Variants in ZC3H12A observed in about 807,000 individuals in gnomAD.
The protein encoded by ZC3H12A is zinc finger CCCH-type containing 12A.
Under a neutral mutation model 29.9 loss-of-function variants are expected in ZC3H12A, and 9 were observed. That is an observed-to-expected ratio of 0.30 (90% CI 0.18 to 0.53). ZC3H12A has a LOEUF of 0.53. ZC3H12A is among the 20% of genes least tolerant of loss of function. ZC3H12A has a pLI of 0.96. For synonymous variants in ZC3H12A, 323 were observed against 338.1 expected, an observed-to-expected ratio of 0.96 and a Z score of 0.49; for missense variants, 617 against 799.0, an observed-to-expected ratio of 0.77 and a Z score of 2.75.
rs750220339 is a variant in ZC3H12A, at chr1:37,483,485, T to C, written c.1674T>C (p.Thr558=). 6.2e-7 allele frequency: 1 copy of C among 1,614,012 alleles called. No homozygotes were observed. The highest frequency in any genetic ancestry group is 1.3e-5 in the African/African-American group (1 of 75,050). The part of the protein sequence containing the change: ...SLAKEQASVY[T]KLCGVFPPHL... ...CCAAGGAGCAGGCCAGCGTGTATAC[T>C]AAGCTGTGTGGTGTGTTTCCCCCGC... Residue 558 remains threonine, a synonymous_variant, in exon 6 of 6, where the codon ACT becomes ACC. Transcript: ENST00000373087.
intron 3 of ZC3H12A, 116 bp from the exon 4 acceptor site, chr1:37,481,477 TTCTTGCCC>T: frequency 1.1e-6 from 1 of 878,812 alleles, no homozygotes; most frequent in African/African-American, 1.7e-5. Flanking sequence ...GCAGAGTTAG[TTCTTGCCC>T]CGGTGACCTT....
rs553486949 is a variant in ZC3H12A at position 37,478,601 on chromosome 1, G to A, written c.444-1689G>A. 5.9e-5 allele frequency among the ~76,000 whole-genome samples: 9 copies of A among 152,272 alleles called. No individual in the cohort carries two copies. The South Asian group carries it at 1.4e-3, about 25-fold the overall frequency. On this transcript the variant is annotated intron_variant, in intron 2 of 5. Coordinates refer to ENST00000373087, the MANE Select transcript of ZC3H12A (RefSeq NM_025079.3). This position sits in a 1 kb window ranked among gnomAD's most constrained non-coding sequence, Gnocchi z 5.2. The stretch of plus-strand genomic sequence containing the variant: ...GCGATCAGGGTCTGTGCCTGCCTTC[G>A]TACCTGCCTGAGCATTGACGTACAG...
In ZC3H12A at chr1:37,475,353, G is replaced by C. The variant is rs549430600; in HGVS notation, c.-38-106G>C. ...AGAGGACAACCTGAACTAATAACAC[G>C]ATGCAGTGTGTAGTGCCACCAATCC... On this transcript the variant is annotated intron_variant, in intron 1 of 5. Coordinates refer to ENST00000373087, the MANE Select transcript of ZC3H12A (RefSeq NM_025079.3). The surrounding 1 kb of genome is among the most constrained non-coding windows in gnomAD (Gnocchi z 5.2). 1 of 856,430 alleles carries C rather than the reference G, an allele frequency of 1.2e-6. No individual in the cohort carries two copies. The highest frequency in any genetic ancestry group is 1.7e-5 in the South Asian group (1 of 59,706). The allele number at this position is 856,430 out of a possible 1,614,324, so 53.1% of individuals were successfully genotyped here.
rs555855085 is a variant in ZC3H12A at position 37,480,314 on chromosome 1, C to T, written c.468C>T (p.Ser156=). The change falls in exon 3 of 6, where the codon TCC becomes TCT. Residue 156 remains serine, a synonymous_variant. Coordinates refer to ENST00000373087, the MANE Select transcript of ZC3H12A (RefSeq NM_025079.3). ...GCCATGGGAACAAGGAGGTCTTCTC[C>T]TGCCGGGGCATCCTGCTGGCAGTGA... ...AMSHGNKEVF[S]CRGILLAVNW... The T allele has an allele frequency of 1.9e-6, 3 of 1,613,928 alleles. No homozygotes were observed. The highest frequency in any genetic ancestry group is 1.1e-5 in the South Asian group (1 of 91,060).
Position 37,475,466 on chromosome 1 carries a change from T to C in ZC3H12A, c.-31T>C. The C allele has an allele frequency of 6.4e-7, 1 of 1,569,110 alleles. No homozygotes were observed. On this transcript the variant is annotated 5_prime_UTR_variant, in exon 2 of 6. Transcript: ENST00000373087. The surrounding 1 kb of genome is among the most constrained non-coding windows in gnomAD (Gnocchi z 5.2). ...ACCCTGTTGGTTGTTCAGTAGGAGC[T>C]GTGGCGCGGGGCCTTCCAGGAGTCT... is the stretch of plus-strand genomic sequence containing the variant.
Position 37,483,511 on chromosome 1 carries a change from A to G in ZC3H12A, c.1700A>G (p.His567Arg). Residue 567 changes from histidine (H) to arginine (R), a missense_variant, in exon 6 of 6, where the codon CAC becomes CGC. Coordinates refer to ENST00000373087, the MANE Select transcript of ZC3H12A (RefSeq NM_025079.3). ...YTKLCGVFPP[H>R]LVEAVMGRFP... Reference sequence around the variant, plus strand: ...AAGCTGTGTGGTGTGTTTCCCCCGCACCTGGTGGAGGCTGTGATGGGGCGC... The same window carrying G: ...AAGCTGTGTGGTGTGTTTCCCCCGCGCCTGGTGGAGGCTGTGATGGGGCGC... 1 of 1,613,802 alleles carries G rather than the reference A, an allele frequency of 6.2e-7. No homozygotes were observed. The highest frequency in any genetic ancestry group is 2.2e-5 in the East Asian group (1 of 44,876).
In ZC3H12A at chr1:37,483,709, C is replaced by T; in HGVS notation, c.*98C>T. 2.9e-6 allele frequency: 4 copies of T among 1,395,090 alleles called. No homozygotes were observed. The highest frequency in any genetic ancestry group is 3.8e-6 in the Non-Finnish European group (4 of 1,053,472). 86.4% of individuals were successfully genotyped at this position (1,395,090 alleles called of 1,614,324 possible). A position where few individuals can be genotyped will look rare whatever the true frequency, so the allele number is the denominator to read the frequency against. ...AGCCCATTCCCAGCCCTGAGGCCCACCCCAGAGGCTGGACAGAGGGAGGAT... is the reference window on the plus strand; with the variant it reads ...AGCCCATTCCCAGCCCTGAGGCCCATCCCAGAGGCTGGACAGAGGGAGGAT... On this transcript the variant is annotated 3_prime_UTR_variant, in exon 6 of 6. Coordinates refer to ENST00000373087, the MANE Select transcript of ZC3H12A (RefSeq NM_025079.3).
chr1:37,483,080 G>A lies in ZC3H12A; in HGVS notation c.1269G>A (p.Gln423=). Residue 423 remains glutamine, a synonymous_variant, in exon 6 of 6, where the codon CAG becomes CAA. Coordinates refer to ENST00000373087, the MANE Select transcript of ZC3H12A (RefSeq NM_025079.3). ...SSFGPTDWLP[Q]TLDSLPYVSQ... The stretch of plus-strand genomic sequence containing the variant: ...TTGGGCCCACAGACTGGCTCCCACA[G>A]ACGCTGGACTCACTCCCGTACGTCT... The A allele has an allele frequency of 1.9e-6, 3 of 1,611,092 alleles. No individual in the cohort carries two copies. The highest frequency in any genetic ancestry group is 2.5e-6 in the Non-Finnish European group (3 of 1,179,018).
In ZC3H12A at chr1:37,475,925, C is replaced by G. The variant is rs772028749; in HGVS notation, c.429C>G (p.Ser143Arg). 1 of 1,510,674 alleles carries G rather than the reference C, an allele frequency of 6.6e-7. No individual in the cohort carries two copies. Among genetic ancestry groups the G allele is most frequent in the Admixed American group, 2.2e-5 (1 of 45,776 alleles). The allele number at this position is 1,510,674 out of a possible 1,614,324, so 93.6% of individuals were successfully genotyped here. The change falls in exon 2 of 6, where the codon AGC (serine) becomes AGG (arginine). Residue 143 changes from serine (S) to arginine (R), a missense_variant. This residue lies in a region of ZC3H12A where 255 missense variants were observed against 402.5 expected (regional missense o/e 0.63). Coordinates refer to ENST00000373087, the MANE Select transcript of ZC3H12A (RefSeq NM_025079.3). The surrounding 1 kb of genome is among the most constrained non-coding windows in gnomAD (Gnocchi z 5.2). ...SDLRPVVIDG[S>R]NVAMSHGNKE... ...TGAGACCAGTGGTCATCGATGGGAG[C>G]AACGTGGCCATGAGGTAAGTGTCAC...
intron 3 of ZC3H12A, 135 bp from the exon 4 acceptor site, chr1:37,481,466 A>ATCCCCAAGGAGCTATGCATTCCTG: frequency 1.3e-6 from 1 of 781,772 alleles, no homozygotes; most frequent in African/African-American, 1.7e-5. Flanking sequence ...AAGAGGCCTC[A>ATCCCCAAGGAGCTATGCATTCCTG]GCAGAGTTAG....
At position 37,475,681 on chromosome 1, in the gene ZC3H12A, C is replaced by T; in HGVS notation, c.185C>T (p.Ser62Phe). 3 of 1,614,148 alleles carry T rather than the reference C, an allele frequency of 1.9e-6. No homozygotes were observed. The highest frequency in any genetic ancestry group is 2.5e-6 in the Non-Finnish European group (3 of 1,180,050). Residue 62 changes from serine (S) to phenylalanine (F), a missense_variant, in exon 2 of 6, where the codon TCC becomes TTC. Physicochemically the swap from Ser to Phe is radical, Grantham distance 155. This residue lies in a region of ZC3H12A where 255 missense variants were observed against 402.5 expected (regional missense o/e 0.63). Coordinates refer to ENST00000373087, the MANE Select transcript of ZC3H12A (RefSeq NM_025079.3). The surrounding 1 kb of genome is among the most constrained non-coding windows in gnomAD (Gnocchi z 5.2). ...TTCTTCCGGAAGCTGGGCTATTCAT[C>T]CACGGAGATCCACAGCGTCCTGCAG... ...VDFFRKLGYS[S>F]TEIHSVLQKL...
Position 37,475,484 on chromosome 1 carries a change from A to G in ZC3H12A, c.-13A>G, listed in dbSNP as rs763133178. 53 of 1,588,626 alleles carry G rather than the reference A, an allele frequency of 3.3e-5. No homozygotes were observed. The South Asian group carries it at 5.8e-4, about 17-fold the overall frequency. ...TAGGAGCTGTGGCGCGGGGCCTTCC[A>G]GGAGTCTGAGCTATGAGTGGCCCCT... On this transcript the variant is annotated 5_prime_UTR_variant, in exon 2 of 6. Transcript: ENST00000373087. The surrounding 1 kb of genome is among the most constrained non-coding windows in gnomAD (Gnocchi z 5.2).
In ZC3H12A at chr1:37,479,078, T is replaced by C. The variant is rs1055092509; in HGVS notation, c.444-1212T>C. 1 of 985,098 alleles carries C rather than the reference T, an allele frequency of 1.0e-6. No individual in the cohort carries two copies. The highest frequency in any genetic ancestry group is 1.7e-5 in the African/African-American group (1 of 57,156). The allele number at this position is 985,098 out of a possible 1,614,324, so 61.0% of individuals were successfully genotyped here. A position where few individuals can be genotyped will look rare whatever the true frequency, so the allele number is the denominator to read the frequency against. The stretch of plus-strand genomic sequence containing the variant: ...TCCCATTAAAGACACCCACAGGATG[T>C]GGTTGGCCCTGGACTTGCCTCTTTT... On this transcript the variant is annotated intron_variant, in intron 2 of 5. Transcript: ENST00000373087. The surrounding 1 kb of genome is among the most constrained non-coding windows in gnomAD (Gnocchi z 4.5).
chr1:37,480,121 C>T (rs895776795), intron 2 of ZC3H12A, 169 bp from the exon 3 acceptor site: 42 of 1,343,970 alleles, frequency 3.1e-5, no homozygotes, highest in Non-Finnish European at 3.9e-5. Context: ...AGGGCCTGAG[C>T]CCTGGGGAAA....
rs1383880201 is a variant in ZC3H12A at position 37,480,300 on chromosome 1, A to G, written c.454A>G (p.Lys152Glu). The change falls in exon 3 of 6, where the codon AAG becomes GAG. Residue 152 changes from lysine (K) to glutamate (E), a missense_variant. Lys to Glu is a moderately conservative substitution (Grantham distance 56). Transcript: ENST00000373087. The part of the protein sequence containing the change: ...GSNVAMSHGN[K>E]EVFSCRGILL... The stretch of plus-strand genomic sequence containing the variant: ...TCCTCTCCCTCCCAGCCATGGGAAC[A>G]AGGAGGTCTTCTCCTGCCGGGGCAT... The G allele has an allele frequency of 6.2e-7, 1 of 1,613,304 alleles. No homozygotes were observed. Among genetic ancestry groups the G allele is most frequent in the East Asian group, 2.2e-5 (1 of 44,882 alleles).
chr1:37,477,786 C>T (rs756269348), intron 2 of ZC3H12A, among the ~76,000 whole-genome samples: 3 of 152,180 alleles, frequency 2.0e-5, no homozygotes, highest in African/African-American at 2.4e-5. Flanking sequence ...GCCAGCAGCG[C>T]TTCCTCCAGT....
chr1:37,480,225 T>C (rs1338465206), intron 2 of ZC3H12A, 65 bp from the exon 3 acceptor site: 1 of 1,562,432 alleles, frequency 6.4e-7, no homozygotes, highest in Non-Finnish European at 8.7e-7. Context: ...TCCCTCCTCC[T>C]GCTCAGGCCT....
Position 37,483,521 on chromosome 1 carries a change from G to A in ZC3H12A, c.1710G>A (p.Glu570=), listed in dbSNP as rs1416562287. 17 of 1,613,758 alleles carry A rather than the reference G, an allele frequency of 1.1e-5. No homozygotes were observed. Among genetic ancestry groups the A allele is most frequent in the Non-Finnish European group, 1.4e-5 (17 of 1,179,926 alleles). The part of the protein sequence containing the change: ...LCGVFPPHLV[E]AVMGRFPQLL... Reference sequence around the variant, plus strand: ...GTGTGTTTCCCCCGCACCTGGTGGAGGCTGTGATGGGGCGCTTCCCACAGC... The same window carrying A: ...GTGTGTTTCCCCCGCACCTGGTGGAAGCTGTGATGGGGCGCTTCCCACAGC... Residue 570 remains glutamate, a synonymous_variant, in exon 6 of 6, where the codon GAG becomes GAA. Coordinates refer to ENST00000373087, the MANE Select transcript of ZC3H12A (RefSeq NM_025079.3).
In ZC3H12A at chr1:37,481,773, G is replaced by A. The variant is rs1483369151; in HGVS notation, c.756G>A (p.Glu252=). Residue 252 remains glutamate, a synonymous_variant, in exon 4 of 6, where the codon GAG becomes GAA. Coordinates refer to ENST00000373087, the MANE Select transcript of ZC3H12A (RefSeq NM_025079.3). ...SNDTYRDLQG[E]RQEWKRFIEE... ...ACACATACCGTGACCTCCAAGGCGA[G>A]CGGCAGGAGTGGAAGCGCTTCATCG... 1.2e-6 allele frequency: 2 copies of A among 1,614,220 alleles called. No individual in the cohort carries two copies. The highest frequency in any genetic ancestry group is 2.2e-5 in the East Asian group (1 of 44,884).
Sources: allele counts gnomAD v4.1 joint callset (sites outside exome capture counted in the v4.1 genomes callset), GRCh38; gene constraint gnomAD v4.1.1; regional missense constraint gnomAD v4.1.1; non-coding constraint Gnocchi (gnomAD v3.1); transcripts MANE v1.5; gene names NCBI Gene and HGNC (gene_info 2026-07-23, HGNC 2026-07-21).